The following JAZF1 variants were observed in gnomAD, a reference collection of about 807,000 sequenced individuals.
JAZF1 encodes the protein JAZF zinc finger 1.
JAZF1 carries 8 observed loss-of-function variants against 26.4 expected under a neutral mutation model. The ratio of observed to expected loss-of-function variants is 0.30; its 90% CI spans 0.18 to 0.55. The LOEUF (loss-of-function observed/expected upper bound fraction) is 0.55, where lower values mean the gene tolerates loss of function less well. Ranked by LOEUF, JAZF1 falls within the 20% of genes least tolerant of loss-of-function variation. The pLI is 0.94. For synonymous variants in JAZF1, 126 were observed against 122.3 expected (o/e 1.03, Z -0.20); for missense variants, 199 against 322.0 (o/e 0.62, Z 2.92).
At chr7:27,833,022 C>G (rs1401466492) in intron 4 of JAZF1, 46 bp from the exon 5 acceptor site, 1 of 1,449,840 alleles carries the variant, frequency 6.9e-7, no homozygotes, top group Non-Finnish European at 9.2e-7. Context: ...CACAGGATAC[C>G]TGTCAAACTT....
At chr7:28,023,644 G>C (rs973868976) in intron 1 of JAZF1, among the ~76,000 whole-genome samples, 10 of 152,170 alleles carry the variant, frequency 6.6e-5, no homozygotes, top group Non-Finnish European at 1.0e-4. Flanking sequence ...CATCCATTCA[G>C]GAAATACTGT....
intron 2 of JAZF1, among the ~76,000 whole-genome samples, chr7:27,917,286 A>G (rs1256975556): frequency 6.6e-6 from 1 of 152,202 alleles, no homozygotes; most frequent in African/African-American, 2.4e-5. Context: ...AGTCTTCTCT[A>G]AAGGCAATGA....
chr7:27,840,976 G>A lies in JAZF1; in HGVS notation c.386-109C>T. ...TGGCCGTGGCAGAGCAGCGCTGACG[G>A]CCCAGGGAGAGGGCACTCCCGGCAC... On this transcript the variant is annotated intron_variant, in intron 3 of 4. Transcript: ENST00000283928. The surrounding 1 kb of genome is among the most constrained non-coding windows in gnomAD (Gnocchi z 5.1). The A allele has an allele frequency of 8.5e-7, 1 of 1,174,718 alleles. No individual in the cohort carries two copies. Among genetic ancestry groups the A allele is most frequent in the Non-Finnish European group, 1.2e-6 (1 of 828,276 alleles). The allele number at this position is 1,174,718 out of a possible 1,614,324, so 72.8% of individuals were successfully genotyped here. A position where few individuals can be genotyped will look rare whatever the true frequency, so the allele number is the denominator to read the frequency against.
At chr7:27,845,420 T>C (rs1783001648) in intron 3 of JAZF1, among the ~76,000 whole-genome samples, 1 of 152,140 alleles carries the variant, frequency 6.6e-6, no homozygotes, top group African/African-American at 2.4e-5. Flanking sequence ...TGACTAGGGC[T>C]GGGCGCAGTG....
At chr7:27,950,462 T>G (rs1033346506) in intron 2 of JAZF1, among the ~76,000 whole-genome samples, 24 of 152,280 alleles carry the variant, frequency 1.6e-4, no homozygotes, top group African/African-American at 5.3e-4. Context: ...GTTGAAAAGA[T>G]CTACAGAAGA....
chr7:27,904,061 A>G (rs1784209084), intron 2 of JAZF1, among the ~76,000 whole-genome samples: 1 of 152,210 alleles, frequency 6.6e-6, no homozygotes, highest in South Asian at 2.1e-4. Flanking sequence ...TCTGAAGGAC[A>G]GTCTAACATG....
chr7:27,891,130 T>C (rs1323304258), intron 3 of JAZF1, among the ~76,000 whole-genome samples: 1 of 152,198 alleles, frequency 6.6e-6, no homozygotes, highest in African/African-American at 2.4e-5. Context: ...TGAATTATCT[T>C]AACACTTTAT....
intron 2 of JAZF1, among the ~76,000 whole-genome samples, chr7:27,906,146 G>A (rs532033503): frequency 2.2e-4 from 34 of 152,244 alleles, no homozygotes; most frequent in African/African-American, 6.7e-4. Flanking sequence ...GCAAATACAA[G>A]GGCACTCAAA....
At chr7:28,104,829 T>C (rs182612660) in intron 1 of JAZF1, among the ~76,000 whole-genome samples, 3 of 152,332 alleles carry the variant, frequency 2.0e-5, no homozygotes, top group Admixed American at 2.0e-4. Context: ...AGATTAAACG[T>C]CATCACCGAA....
chr7:27,868,210 T>C (rs574141861), intron 3 of JAZF1, among the ~76,000 whole-genome samples: 188 of 152,340 alleles, frequency 1.2e-3, no homozygotes, highest in Middle Eastern at 3.4e-3. Context: ...ACACCATCTA[T>C]TGGGATGAGT....
At chr7:28,002,209 G>A (rs1782611851) in intron 1 of JAZF1, among the ~76,000 whole-genome samples, 2 of 152,162 alleles carry the variant, frequency 1.3e-5, no homozygotes, top group Admixed American at 6.5e-5. Flanking sequence ...CCAAATACTG[G>A]CTGAGAACCT....
chr7:27,954,891 G>A (rs1785061562), intron 2 of JAZF1, among the ~76,000 whole-genome samples: 1 of 152,142 alleles, frequency 6.6e-6, no homozygotes, highest in South Asian at 2.1e-4. Flanking sequence ...CTGAGTAGCT[G>A]GGATTACAGG....
chr7:28,077,174 G>T (rs1426713688), intron 1 of JAZF1, among the ~76,000 whole-genome samples: 2 of 152,114 alleles, frequency 1.3e-5, no homozygotes, highest in African/African-American at 4.8e-5. Context: ...GACTAAATCG[G>T]AACTATACAA....
chr7:27,871,434 G>A (rs568039184), intron 3 of JAZF1, among the ~76,000 whole-genome samples: 51 of 152,188 alleles, frequency 3.4e-4, no homozygotes, highest in Non-Finnish European at 6.2e-4. Flanking sequence ...ACAAACCAAC[G>A]ATATGTCATC....
At chr7:28,042,260 G>A (rs1247386069) in intron 1 of JAZF1, among the ~76,000 whole-genome samples, 1 of 152,206 alleles carries the variant, frequency 6.6e-6, no homozygotes, top group Non-Finnish European at 1.5e-5. Flanking sequence ...ACCGTGCAGG[G>A]TGTGGGGAGG....
intron 3 of JAZF1, among the ~76,000 whole-genome samples, chr7:27,850,597 G>A (rs576473128): frequency 8.6e-4 from 131 of 152,300 alleles, no homozygotes; most frequent in Non-Finnish European, 1.6e-3. Flanking sequence ...TTGAATGAAC[G>A]AATGAGTGAA....
At chr7:28,017,711 G>A (rs1035348498) in intron 1 of JAZF1, among the ~76,000 whole-genome samples, 31 of 152,218 alleles carry the variant, frequency 2.0e-4, no homozygotes, top group African/African-American at 6.3e-4. Flanking sequence ...CCCTCGTGAT[G>A]TGTACATTTT....
In JAZF1 at chr7:28,180,608, G is replaced by A. The variant is rs745610238; in HGVS notation, c.-31C>T. ...TACATCGAGAGCCCCCCTGGTGTCG[G>A]CTCTGCGAGCGCCGGGCGGGCGAGG... On this transcript the variant is annotated 5_prime_UTR_variant, in exon 1 of 5. Coordinates refer to ENST00000283928, the MANE Select transcript of JAZF1 (RefSeq NM_175061.4). 4.5e-6 allele frequency: 7 copies of A among 1,568,850 alleles called. No homozygotes were observed. Among genetic ancestry groups the A allele is most frequent in the Non-Finnish European group, 5.2e-6 (6 of 1,149,510 alleles).
intron 1 of JAZF1, among the ~76,000 whole-genome samples, chr7:28,129,358 A>G (rs566511127): frequency 2.2e-4 from 34 of 152,270 alleles, no homozygotes; most frequent in African/African-American, 7.9e-4. Flanking sequence ...ATGAATCTCA[A>G]ATGTAACTGC....
Sources: gnomAD v4.1 joint callset for allele counts (sites outside exome capture counted in the v4.1 genomes callset) on GRCh38, gnomAD v4.1.1 for gene constraint, Gnocchi (gnomAD v3.1) non-coding constraint, MANE v1.5 for transcripts, NCBI Gene and HGNC (gene_info 2026-07-23, HGNC 2026-07-21) for gene names.